Variants in CEP68 observed in about 807,000 individuals in gnomAD.
CEP68 encodes the protein centrosomal protein of 68 kDa.
A neutral mutation model predicts 55.3 loss-of-function variants in CEP68; 26 were observed. That is an observed-to-expected ratio of 0.47 (90% CI 0.34 to 0.65). The LOEUF is 0.65. Among genes scored for constraint, CEP68 ranks in the 30% least tolerant of loss-of-function variants. The probability of loss-of-function intolerance (pLI) is 0.01; values close to 1 mark genes in which losing one functional copy is unlikely to be tolerated. For missense variants in CEP68, 957 were observed against 946.7 expected (o/e 1.01, Z -0.14); for synonymous variants, 402 against 383.2 (o/e 1.05, Z -0.57).
At position 65,085,320 on chromosome 2, in the gene CEP68, A is replaced by C. The variant is rs1406261273; in HGVS notation, c.*1686A>C. 1 of 152,174 alleles carries C rather than the reference A, an allele frequency of 6.6e-6. No homozygotes were observed. The highest frequency in any genetic ancestry group is 1.5e-5 in the Non-Finnish European group (1 of 68,024). The allele number at this position is 152,174 out of a possible 1,614,324, so 9.4% of individuals were successfully genotyped here. A position where few individuals can be genotyped will look rare whatever the true frequency, so the allele number is the denominator to read the frequency against. ...CTTCAACTGACAGGAATTTGCACAG[A>C]ATGTTACACAATACCCTGTTTCCCA... On this transcript the variant is annotated 3_prime_UTR_variant, in exon 7 of 7. Coordinates refer to ENST00000377990, the MANE Select transcript of CEP68 (RefSeq NM_015147.3).
rs1232168547 is a variant in CEP68, at chr2:65,085,204, G to T, written c.*1570G>T. ...AAGTGTATTAATTAGCATAAAAGTT[G>T]GAGATGAAAACCCTATAGAAACAAA... On this transcript the variant is annotated 3_prime_UTR_variant, in exon 7 of 7. Coordinates refer to ENST00000377990, the MANE Select transcript of CEP68 (RefSeq NM_015147.3). 6.6e-6 allele frequency: 1 copy of T among 152,086 alleles called. No homozygotes were observed. The highest frequency in any genetic ancestry group is 2.4e-5 in the African/African-American group (1 of 41,402). The allele number at this position is 152,086 out of a possible 1,614,324, so 9.4% of individuals were successfully genotyped here.
intron 2 of CEP68, 98 bp from the exon 3 acceptor site, chr2:65,071,356 A>G: frequency 9.9e-7 from 1 of 1,008,444 alleles, no homozygotes; most frequent in Non-Finnish European, 1.5e-6. Flanking sequence ...TTTCCTAAAT[A>G]CTGTCTAGAC....
chr2:65,059,006 A>T (rs1235106723), intron 1 of CEP68, among the ~76,000 whole-genome samples: 1 of 152,194 alleles, frequency 6.6e-6, no homozygotes, highest in Non-Finnish European at 1.5e-5. Context: ...TGAAATGGTC[A>T]TGTAAAATCA....
intron 1 of CEP68, among the ~76,000 whole-genome samples, chr2:65,065,177 C>G (rs1676105561): frequency 6.6e-6 from 1 of 152,178 alleles, no homozygotes; most frequent in African/African-American, 2.4e-5. Context: ...AGAGTGATAC[C>G]ACTCAGCAGA....
At chr2:65,060,658 T>C (rs944372330) in intron 1 of CEP68, among the ~76,000 whole-genome samples, 1 of 152,224 alleles carries the variant, frequency 6.6e-6, no homozygotes, top group Non-Finnish European at 1.5e-5. Flanking sequence ...TACAGCCTCT[T>C]CTGACAGTGA....
intron 4 of CEP68, 27 bp from the exon 5 acceptor site, chr2:65,077,841 C>T (rs1470935471): frequency 6.5e-7 from 1 of 1,543,324 alleles, no homozygotes; most frequent in East Asian, 2.2e-5. Flanking sequence ...GAAGCTTCTG[C>T]CTTTTCTTTT....
chr2:65,077,840 GC>G (rs1279585161), intron 4 of CEP68, 27 bp from the exon 5 acceptor site: 1 of 1,541,536 alleles, frequency 6.5e-7, no homozygotes, highest in Non-Finnish European at 8.9e-7. Flanking sequence ...CGAAGCTTCT[GC>G]CTTTTCTTTT....
Position 65,071,521 on chromosome 2 carries a change from C to T in CEP68, c.425C>T (p.Thr142Ile). 1 of 1,608,862 alleles carries T rather than the reference C, an allele frequency of 6.2e-7. No individual in the cohort carries two copies. Among genetic ancestry groups the T allele is most frequent in the East Asian group, 2.2e-5 (1 of 44,878 alleles). The change falls in exon 3 of 7, where the codon ACT becomes ATT. Residue 142 changes from threonine to isoleucine, a missense_variant. By Grantham distance (89) the Thr-to-Ile change is moderately conservative (BLOSUM62 -1). Transcript: ENST00000377990. ...ACTCTGAGCCTTCCCAGAACAACAA[C>T]TATTTGCTCAGGACATGATGCTGAT... Reference protein sequence around the residue: ...PQTLSLPRTTTICSGHDADTE... With the variant: ...PQTLSLPRTTIICSGHDADTE...
rs1260133160 is a variant in CEP68 at position 65,080,456 on chromosome 2, A to T, written c.2105-2080A>T. On this transcript the variant is annotated intron_variant, in intron 5 of 6. Transcript: ENST00000377990. The stretch of plus-strand genomic sequence containing the variant: ...AAGTCCATAGAGCCAGCCTACAAAC[A>T]TGTTTTGTTCCAGTCCTTCCCAACT... 4.1e-6 allele frequency: 4 copies of T among 985,412 alleles called. No individual in the cohort carries two copies. In the African/African-American group the frequency reaches 5.2e-5, roughly 13 times the overall value. The allele number at this position is 985,412 out of a possible 1,614,324, so 61.0% of individuals were successfully genotyped here. A position where few individuals can be genotyped will look rare whatever the true frequency, so the allele number is the denominator to read the frequency against.
At chr2:65,062,389 C>T (rs1189932080) in intron 1 of CEP68, among the ~76,000 whole-genome samples, 2 of 151,876 alleles carry the variant, frequency 1.3e-5, no homozygotes, top group African/African-American at 4.8e-5. Flanking sequence ...GAAAAATTAG[C>T]GGGGATGGTG....
At chr2:65,065,054 T>C (rs915750907) in intron 1 of CEP68, among the ~76,000 whole-genome samples, 2 of 152,082 alleles carry the variant, frequency 1.3e-5, no homozygotes, top group Admixed American at 1.3e-4. Context: ...GGCTCTGGAG[T>C]TGGGCAGTCC....
intron 1 of CEP68, among the ~76,000 whole-genome samples, chr2:65,058,658 C>G (rs967077215): frequency 1.3e-5 from 2 of 151,916 alleles, no homozygotes; most frequent in African/African-American, 4.8e-5. Flanking sequence ...AGGCACCCAC[C>G]ACCGTGTTCC....
At chr2:65,075,409 A>G (rs1422745277) in intron 4 of CEP68, among the ~76,000 whole-genome samples, 1 of 152,154 alleles carries the variant, frequency 6.6e-6, no homozygotes, top group Non-Finnish European at 1.5e-5. Flanking sequence ...TCAAAAAACA[A>G]ACAAAAACTC....
chr2:65,081,282 G>A (rs1336742733), intron 5 of CEP68, among the ~76,000 whole-genome samples: 1 of 151,288 alleles, frequency 6.6e-6, no homozygotes, highest in African/African-American at 2.4e-5. Flanking sequence ...TTTACCGTGC[G>A]CCTGACTGCA....
At position 65,086,980 on chromosome 2, in the gene CEP68, G is replaced by GA. The variant is rs1372848393; in HGVS notation, c.*3351dup. The GA allele has an allele frequency of 6.6e-6, 1 of 152,332 alleles. No homozygotes were observed. The highest frequency in any genetic ancestry group is 1.5e-5 in the Non-Finnish European group (1 of 68,018). The allele number at this position is 152,332 out of a possible 1,614,324, so 9.4% of individuals were successfully genotyped here. A position where few individuals can be genotyped will look rare whatever the true frequency, so the allele number is the denominator to read the frequency against. Reference sequence around the variant, plus strand: ...CATGTATTTCAATTGCCTGTTTAGTGAAAAATAAAAATTAAAAAAACCTAT... The same window carrying GA: ...CATGTATTTCAATTGCCTGTTTAGTGAAAAAATAAAAATTAAAAAAACCTAT... On this transcript the variant is annotated 3_prime_UTR_variant, in exon 7 of 7. Transcript: ENST00000377990.
At chr2:65,064,974 CTT>C (rs1227456970) in intron 1 of CEP68, among the ~76,000 whole-genome samples, 2 of 152,218 alleles carry the variant, frequency 1.3e-5, no homozygotes, top group East Asian at 3.8e-4. Flanking sequence ...CTCCACCAGT[CTT>C]CTCTCTCTTC....
intron 4 of CEP68, chr2:65,074,641 T>C: frequency 1.9e-6 from 1 of 523,982 alleles, no homozygotes; most frequent in Non-Finnish European, 3.3e-6. Context: ...AAATCAAAAA[T>C]ACTTTAGGTT....
chr2:65,081,675 A>G (rs1573051885), intron 5 of CEP68, among the ~76,000 whole-genome samples: 1 of 151,954 alleles, frequency 6.6e-6, no homozygotes, highest in Admixed American at 6.6e-5. Context: ...ATCTTCCCTT[A>G]GACTGCTTTC....
chr2:65,073,199 G>C (rs141786121), intron 3 of CEP68: 12 of 622,244 alleles, frequency 1.9e-5, no homozygotes, highest in Non-Finnish European at 3.5e-5. Context: ...GTTAGGTAAC[G>C]TGCCCACTTA....
Sources: gnomAD v4.1 joint callset for allele counts (sites outside exome capture counted in the v4.1 genomes callset) on GRCh38, gnomAD v4.1.1 for gene constraint, MANE v1.5 for transcripts, NCBI Gene and HGNC (gene_info 2026-07-23, HGNC 2026-07-21) for gene names.